Variants in XYLT1 observed in about 807,000 individuals in gnomAD.
The protein encoded by XYLT1 is xylosyltransferase 1.
XYLT1 carries 36 observed loss-of-function variants against 91.3 expected under a neutral mutation model. That is an observed-to-expected ratio of 0.39 (90% CI 0.30 to 0.52). The LOEUF is 0.52. XYLT1 is among the 20% of genes least tolerant of loss of function. The probability of loss-of-function intolerance (pLI) is 0.68; values close to 1 mark genes in which losing one functional copy is unlikely to be tolerated. For missense variants in XYLT1, 1,242 were observed against 1,284.5 expected (o/e 0.97, Z 0.51); for synonymous variants, 588 against 532.0 (o/e 1.11, Z -1.45).
At chr16:17,367,970 T>C (rs2035476469) in intron 1 of XYLT1, among the ~76,000 whole-genome samples, 2 of 152,196 alleles carry the variant, frequency 1.3e-5, no homozygotes, top group African/African-American at 4.8e-5. Flanking sequence ...AATAAATTTC[T>C]ATGCACATCC....
intron 2 of XYLT1, among the ~76,000 whole-genome samples, chr16:17,342,671 G>A (rs940330165): frequency 2.0e-5 from 3 of 152,028 alleles, no homozygotes; most frequent in African/African-American, 4.8e-5. Flanking sequence ...GCAGTGAGCC[G>A]AGATCGCACC....
intron 2 of XYLT1, among the ~76,000 whole-genome samples, chr16:17,261,007 G>A (rs781762505): frequency 6.6e-6 from 1 of 152,120 alleles, no homozygotes; most frequent in Non-Finnish European, 1.5e-5. Flanking sequence ...GCCGAGGCAG[G>A]TGAATCACTT....
chr16:17,346,729 T>A (rs936200739), intron 2 of XYLT1, among the ~76,000 whole-genome samples: 1 of 152,146 alleles, frequency 6.6e-6, no homozygotes, highest in African/African-American at 2.4e-5. Context: ...AGACTGGTCA[T>A]CTGACCAAGA....
chr16:17,169,885 A>G (rs2031785026), intron 5 of XYLT1, among the ~76,000 whole-genome samples: 1 of 152,222 alleles, frequency 6.6e-6, no homozygotes, highest in Non-Finnish European at 1.5e-5. Flanking sequence ...TCCACTTCAG[A>G]GGGCATCGAA....
At chr16:17,338,591 C>T (rs2035021725) in intron 2 of XYLT1, 2 of 433,194 alleles carry the variant, frequency 4.6e-6, no homozygotes, top group South Asian at 3.3e-5. Context: ...CTTTCGTGTC[C>T]CCTTATCCTG....
intron 1 of XYLT1, among the ~76,000 whole-genome samples, chr16:17,385,567 A>G (rs2035739057): frequency 2.0e-5 from 3 of 151,840 alleles, no homozygotes; most frequent in South Asian, 2.1e-4. Context: ...CAAACTTCCA[A>G]TGCCCATGCA....
At chr16:17,223,283 C>G (rs749559983) in intron 3 of XYLT1, among the ~76,000 whole-genome samples, 34 of 152,176 alleles carry the variant, frequency 2.2e-4, no homozygotes, top group Non-Finnish European at 3.8e-4. Context: ...AACAGAGCCA[C>G]GTGGTCACAT....
intron 1 of XYLT1, among the ~76,000 whole-genome samples, chr16:17,419,141 G>A (rs1159493892): frequency 1.3e-5 from 2 of 151,982 alleles, no homozygotes; most frequent in Admixed American, 1.3e-4. Context: ...AATTGAAAGA[G>A]AGGGAGCCTG....
intron 2 of XYLT1, among the ~76,000 whole-genome samples, chr16:17,302,926 A>C (rs1340331478): frequency 6.6e-6 from 1 of 151,988 alleles, no homozygotes; most frequent in East Asian, 1.9e-4. Context: ...AGCGAGAGAG[A>C]GCTAGCAAGT....
At chr16:17,213,773 C>T (rs190096380) in intron 3 of XYLT1, among the ~76,000 whole-genome samples, 61 of 152,240 alleles carry the variant, frequency 4.0e-4, no homozygotes, top group Non-Finnish European at 7.2e-4. Context: ...TGCCCACCCC[C>T]ATGCCCGGCT....
intron 3 of XYLT1, among the ~76,000 whole-genome samples, chr16:17,208,258 T>C (rs1482114461): frequency 2.0e-5 from 3 of 151,922 alleles, no homozygotes; most frequent in Admixed American, 2.0e-4. Flanking sequence ...GCTGGTGTTA[T>C]AGGTGTGAGC....
At chr16:17,394,311 A>T (rs2035857673) in intron 1 of XYLT1, among the ~76,000 whole-genome samples, 1 of 152,162 alleles carries the variant, frequency 6.6e-6, no homozygotes, top group Admixed American at 6.5e-5. Context: ...CACAGCAGCG[A>T]TCACCGTTGC....
intron 5 of XYLT1, among the ~76,000 whole-genome samples, chr16:17,183,650 T>G (rs2032117840): frequency 6.6e-6 from 1 of 152,208 alleles, no homozygotes; most frequent in Non-Finnish European, 1.5e-5. Context: ...TGGAAATCAC[T>G]TGGCCTAGAA....
Position 17,134,696 on chromosome 16 carries a change from C to T in XYLT1, c.1804G>A (p.Ala602Thr). 1 of 1,614,172 alleles carries T rather than the reference C, an allele frequency of 6.2e-7. No homozygotes were observed. Among genetic ancestry groups the T allele is most frequent in the South Asian group, 1.1e-5 (1 of 91,078 alleles). Residue 602 changes from alanine to threonine, a missense_variant, in exon 9 of 12, where the codon GCC becomes ACC. Ala to Thr is a moderately conservative substitution (Grantham distance 58, BLOSUM62 0). Around this residue, in one of 3 missense-constraint regions of XYLT1, gnomAD observed 511 missense variants for 497.0 expected, o/e 1.03. Coordinates refer to ENST00000261381, the MANE Select transcript of XYLT1 (RefSeq NM_022166.4). ...RPTFFARKFEAVVNQEIIGQL... is the reference protein window; with the variant it reads ...RPTFFARKFETVVNQEIIGQL... The stretch of plus-strand genomic sequence containing the variant: ...CCAATGATTTCCTGATTCACCACGG[C>T]TTCAAACTTGCGGGCAAAGAAGGTA...
At chr16:17,175,325 A>G (rs971227058) in intron 5 of XYLT1, among the ~76,000 whole-genome samples, 3 of 152,220 alleles carry the variant, frequency 2.0e-5, no homozygotes, top group Admixed American at 6.5e-5. Context: ...CATGATGATC[A>G]TAACAATAAT....
rs373354877 is a variant in XYLT1, at chr16:17,379,763, T to TCTCTTTCTCACACACACACACA, written c.364-21714_364-21713insTGTGTGTGTGTGTGAGAAAGAG. On this transcript the variant is annotated intron_variant, in intron 1 of 11. Coordinates refer to ENST00000261381, the MANE Select transcript of XYLT1 (RefSeq NM_022166.4). ...CTCTCTCTCTCTCTCTCTCTCTCTC[T>TCTCTTTCTCACACACACACACA]CACACACACACACACACACACACAC... Among the ~76,000 whole-genome samples the TCTCTTTCTCACACACACACACA allele has an allele frequency of 4.3e-4, 54 of 125,616 alleles. 1 individual carries two copies. The highest frequency in any genetic ancestry group is 1.7e-3 in the African/African-American group (54 of 31,754). 82.4% of individuals were successfully genotyped at this position (125,616 alleles called of 152,430 possible). A position where few individuals can be genotyped will look rare whatever the true frequency, so the allele number is the denominator to read the frequency against.
intron 2 of XYLT1, among the ~76,000 whole-genome samples, chr16:17,313,677 A>T (rs1190194627): frequency 1.4e-5 from 2 of 146,036 alleles, no homozygotes; most frequent in Non-Finnish European, 3.0e-5. Context: ...AGGGGAAAAC[A>T]TCCAAACCAT....
At chr16:17,311,855 C>T (rs1020742933) in intron 2 of XYLT1, among the ~76,000 whole-genome samples, 13 of 146,830 alleles carry the variant, frequency 8.9e-5, no homozygotes, top group African/African-American at 2.5e-4. Flanking sequence ...AAAATGAGAG[C>T]CAAGCAAAAG....
At chr16:17,379,914 G>A (rs893970717) in intron 1 of XYLT1, among the ~76,000 whole-genome samples, 2 of 152,114 alleles carry the variant, frequency 1.3e-5, no homozygotes, top group African/African-American at 4.8e-5. Context: ...TCTGTAGGAA[G>A]ACCTGCTGGC....
Sources: allele counts gnomAD v4.1 joint callset (sites outside exome capture counted in the v4.1 genomes callset), GRCh38; gene constraint gnomAD v4.1.1; regional missense constraint gnomAD v4.1.1; transcripts MANE v1.5; gene names NCBI Gene and HGNC (gene_info 2026-07-23, HGNC 2026-07-21).